RAB6A: variants seen among roughly 807,000 people sequenced by gnomAD.
RAB6A encodes the protein RAB6A, member RAS oncogene family.
RAB6A carries 8 observed loss-of-function variants against 32.3 expected under a neutral mutation model. The observed-to-expected ratio is 0.25, with a 90% CI of 0.15 to 0.45. The LOEUF (loss-of-function observed/expected upper bound fraction) is 0.45. Ranked by LOEUF, RAB6A falls within the 20% of genes least tolerant of loss-of-function variation. The pLI is 1.00. For synonymous variants in RAB6A, 73 were observed against 82.1 expected (o/e 0.89, Z 0.60); for missense variants, 104 against 249.4 (o/e 0.42, Z 3.93).
At position 73,740,695 on chromosome 11, in the gene RAB6A, C is replaced by T. The variant is rs891338946; in HGVS notation, c.71-9872G>A. 5.9e-5 allele frequency among the ~76,000 whole-genome samples: 9 copies of T among 152,022 alleles called. No individual in the cohort carries two copies. The East Asian group carries it at 7.7e-4, about 13-fold the overall frequency. On this transcript the variant is annotated intron_variant, in intron 1 of 7. Transcript: ENST00000336083. ...CCTGAGGTCAGGAGTTTGAGACTAA[C>T]CTGGCCAACATGGTGAAACCCCGTC...
intron 3 of RAB6A, 119 bp downstream of exon 3, chr11:73,720,727 G>T: frequency 2.5e-6 from 2 of 788,012 alleles, no homozygotes; most frequent in Middle Eastern, 2.4e-4. Flanking sequence ...CTCAACAACT[G>T]TAAACTATCT....
rs1428638632 is a variant in RAB6A, at chr11:73,677,713, A to C, written c.*185T>G. 4 of 1,401,502 alleles carry C rather than the reference A, an allele frequency of 2.9e-6. No individual in the cohort carries two copies. The highest frequency in any genetic ancestry group is 3.8e-6 in the Non-Finnish European group (4 of 1,046,582). The allele number at this position is 1,401,502 out of a possible 1,614,324, so 86.8% of individuals were successfully genotyped here. ...TTTTTGTAAAATATAAATAATGAAG[A>C]CACTGACTTTTGTTGTGCTTGTGAA... is the stretch of plus-strand genomic sequence containing the variant. On this transcript the variant is annotated 3_prime_UTR_variant, in exon 8 of 8. Coordinates refer to ENST00000336083, the MANE Select transcript of RAB6A (RefSeq NM_198896.2).
chr11:73,715,149 C>T (rs1189180933), intron 5 of RAB6A, among the ~76,000 whole-genome samples: 5 of 150,960 alleles, frequency 3.3e-5, no homozygotes, highest in Non-Finnish European at 4.4e-5. Flanking sequence ...TTTTTTGAGA[C>T]GGAGTCTCAC....
At chr11:73,739,279 A>ATT (rs61449011) in intron 1 of RAB6A, among the ~76,000 whole-genome samples, 1 of 44,840 alleles carries the variant, frequency 2.2e-5, no homozygotes, top group Non-Finnish European at 4.9e-5. Flanking sequence ...AAAAAAAAAA[A>ATT]AAAAAATATA....
At chr11:73,756,830 C>T (rs529503671) in intron 1 of RAB6A, among the ~76,000 whole-genome samples, 101 of 151,432 alleles carry the variant, frequency 6.7e-4, no homozygotes, top group African/African-American at 2.2e-3. Context: ...CACGCCACCA[C>T]GCCCAGCTAG....
At chr11:73,707,050 G>A (rs908610201) in intron 6 of RAB6A, among the ~76,000 whole-genome samples, 7 of 151,608 alleles carry the variant, frequency 4.6e-5, no homozygotes, top group Admixed American at 1.3e-4. Context: ...CCCAGGAGGT[G>A]GAGGTTGCAG....
At chr11:73,689,659 T>C (rs538587378) in intron 6 of RAB6A, among the ~76,000 whole-genome samples, 1 of 152,320 alleles carries the variant, frequency 6.6e-6, no homozygotes, top group Non-Finnish European at 1.5e-5. Context: ...GACCTACAAG[T>C]TCCCCTCAAC....
At chr11:73,701,825 G>A (rs1475635312) in intron 6 of RAB6A, among the ~76,000 whole-genome samples, 4 of 151,992 alleles carry the variant, frequency 2.6e-5, no homozygotes, top group Non-Finnish European at 5.9e-5. Flanking sequence ...TTTTTTTGTA[G>A]AGACAGGGTT....
At chr11:73,751,609 A>G (rs1351861881) in intron 1 of RAB6A, among the ~76,000 whole-genome samples, 1 of 152,194 alleles carries the variant, frequency 6.6e-6, no homozygotes, top group Non-Finnish European at 1.5e-5. Flanking sequence ...TCTGTTCAAC[A>G]CAGCTGAAAA....
intron 1 of RAB6A, among the ~76,000 whole-genome samples, chr11:73,742,674 G>A (rs995381812): frequency 6.6e-6 from 1 of 152,116 alleles, no homozygotes; most frequent in African/African-American, 2.4e-5. Flanking sequence ...AGCTGGGCGT[G>A]GTAGCACATG....
chr11:73,709,962 T>TCTA, intron 5 of RAB6A, among the ~76,000 whole-genome samples: 1 of 132,778 alleles, frequency 7.5e-6, no homozygotes, highest in East Asian at 2.1e-4. Flanking sequence ...TATATATATA[T>TCTA]TTTTTTTTTT....
chr11:73,750,405 AGTGGC>A (rs1565380467), intron 1 of RAB6A, among the ~76,000 whole-genome samples: 1 of 148,426 alleles, frequency 6.7e-6, no homozygotes, highest in East Asian at 2.0e-4. Context: ...GCTGGAGTGC[AGTGGC>A]ATGATGTCAG....
Position 73,709,066 on chromosome 11 carries a change from G to A in RAB6A, c.402-1553C>T, listed in dbSNP as rs551738658. Among the ~76,000 whole-genome samples, 5 of 152,168 alleles carry A rather than the reference G, an allele frequency of 3.3e-5. No homozygotes were observed. The South Asian group carries it at 8.3e-4, about 25-fold the overall frequency. ...TTAAAAAACTGTTTGAGAGTAAACC[G>A]CCAATCTGCAGACCTTTAGCCCTAA... On this transcript the variant is annotated intron_variant, in intron 5 of 7. Coordinates refer to ENST00000336083, the MANE Select transcript of RAB6A (RefSeq NM_198896.2).
chr11:73,690,313 C>T (rs1399834727), intron 6 of RAB6A, among the ~76,000 whole-genome samples: 2 of 152,208 alleles, frequency 1.3e-5, no homozygotes, highest in Non-Finnish European at 2.9e-5. Flanking sequence ...CTTCAGGACC[C>T]ATTCCTTGAT....
At chr11:73,740,309 T>C (rs1281774777) in intron 1 of RAB6A, among the ~76,000 whole-genome samples, 1 of 152,152 alleles carries the variant, frequency 6.6e-6, no homozygotes, top group Non-Finnish European at 1.5e-5. Flanking sequence ...AGACACTATC[T>C]AGTCATTGTT....
chr11:73,701,442 C>CAA (rs1565353179), intron 6 of RAB6A, among the ~76,000 whole-genome samples: 4 of 152,202 alleles, frequency 2.6e-5, no homozygotes, highest in Non-Finnish European at 5.9e-5. Context: ...TGAATTGTGA[C>CAA]TGACCTACAT....
chr11:73,755,289 T>C (rs1294144584), intron 1 of RAB6A, among the ~76,000 whole-genome samples: 1 of 151,374 alleles, frequency 6.6e-6, no homozygotes, highest in Non-Finnish European at 1.5e-5. Flanking sequence ...CAGTAAATGT[T>C]GATATATTTA....
At chr11:73,704,321 T>C in intron 6 of RAB6A, 1 of 269,490 alleles carries the variant, frequency 3.7e-6, no homozygotes, top group Non-Finnish European at 7.8e-6. Flanking sequence ...AGGTCAAGGC[T>C]GCAATGAGCT....
chr11:73,739,278 A>ATATATATATATAT (rs1448381477), intron 1 of RAB6A, among the ~76,000 whole-genome samples: 5 of 18,832 alleles, frequency 2.7e-4, no homozygotes, highest in African/African-American at 4.3e-4. Context: ...AAAAAAAAAA[A>ATATATATATATAT]AAAAAAATAT....
Sources: allele counts gnomAD v4.1 joint callset (sites outside exome capture counted in the v4.1 genomes callset), GRCh38; gene constraint gnomAD v4.1.1; transcripts MANE v1.5; gene names NCBI Gene and HGNC (gene_info 2026-07-23, HGNC 2026-07-21).